The following CTNND2 variants were observed in gnomAD, a reference collection of about 807,000 sequenced individuals.
The protein encoded by CTNND2 is catenin delta-2.
In CTNND2, 22 loss-of-function variants were observed where a neutral mutation model predicts 144.4. The ratio of observed to expected loss-of-function variants is 0.15; its 90% CI spans 0.11 to 0.22. The LOEUF is 0.22. CTNND2 is among the 10% of genes least tolerant of loss of function. The pLI, the probability that CTNND2 is intolerant of heterozygous loss-of-function variation, is 1.00. For synonymous variants in CTNND2, 751 were observed against 695.6 expected (o/e 1.08, Z -1.25); for missense variants, 1,353 against 1,618.8 (o/e 0.84, Z 2.82).
chr5:11,458,175 C>T (rs1765894040), intron 3 of CTNND2, among the ~76,000 whole-genome samples: 1 of 152,190 alleles, frequency 6.6e-6, no homozygotes, highest in African/African-American at 2.4e-5. Flanking sequence ...CTAGTCCTCA[C>T]CAAGGGGTCT....
chr5:11,358,892 AC>A (rs1280232711), intron 8 of CTNND2, among the ~76,000 whole-genome samples: 1 of 152,230 alleles, frequency 6.6e-6, no homozygotes, highest in Non-Finnish European at 1.5e-5. Flanking sequence ...TTACAAGCTG[AC>A]ACATACATCA....
intron 2 of CTNND2, among the ~76,000 whole-genome samples, chr5:11,641,500 C>CACGTATATGTACATGCACACATATAA: frequency 6.6e-6 from 1 of 150,388 alleles, no homozygotes; most frequent in Non-Finnish European, 1.5e-5. Context: ...CACACATATA[C>CACGTATATGTACATGCACACATATAA]ACGTATATGT....
rs1195266720 is a variant in CTNND2 at position 11,098,739 on chromosome 5, C to T, written c.2473G>A (p.Val825Ile). Residue 825 changes from valine (V) to isoleucine (I), a missense_variant, in exon 15 of 22, where the codon GTA (valine) becomes ATA (isoleucine). Physicochemically the swap from Val to Ile is conservative, Grantham distance 29. Coordinates refer to ENST00000304623, the MANE Select transcript of CTNND2 (RefSeq NM_001332.4). ...KKKSQDQWDGVGPLPDCAEPP... is the reference protein window; with the variant it reads ...KKKSQDQWDGIGPLPDCAEPP... ...TCAGCACAGTCTGGAAGAGGTCCTA[C>T]TCCATCCCACTGGCGGAAGAAAAAC... is the stretch of plus-strand genomic sequence containing the variant. The T allele has an allele frequency of 2.5e-6, 4 of 1,612,266 alleles. No homozygotes were observed. Among genetic ancestry groups the T allele is most frequent in the Non-Finnish European group, 3.4e-6 (4 of 1,179,436 alleles).
chr5:11,824,020 T>C (rs998617089), intron 1 of CTNND2, among the ~76,000 whole-genome samples: 3 of 149,644 alleles, frequency 2.0e-5, no homozygotes, highest in Non-Finnish European at 4.4e-5. Flanking sequence ...GGGGAATCGC[T>C]TGAACCGGGG....
chr5:11,097,717 A>G (rs1303789077), intron 15 of CTNND2, among the ~76,000 whole-genome samples: 1 of 152,166 alleles, frequency 6.6e-6, no homozygotes. Context: ...CCGTGTGTAT[A>G]TGTTAACATG....
At chr5:11,643,273 T>C (rs1054228107) in intron 2 of CTNND2, among the ~76,000 whole-genome samples, 2 of 151,982 alleles carry the variant, frequency 1.3e-5, no homozygotes, top group Non-Finnish European at 2.9e-5. Context: ...TTAGGGTACA[T>C]GTACATAATG....
At chr5:11,313,774 T>G (rs1196827642) in intron 9 of CTNND2, among the ~76,000 whole-genome samples, 1 of 152,156 alleles carries the variant, frequency 6.6e-6, no homozygotes, top group Non-Finnish European at 1.5e-5. Context: ...AAAAGAGGTT[T>G]AATTGGCTTA....
intron 3 of CTNND2, among the ~76,000 whole-genome samples, chr5:11,421,904 A>G (rs1179292185): frequency 1.3e-5 from 2 of 152,188 alleles, no homozygotes; most frequent in Non-Finnish European, 2.9e-5. Context: ...CCTCATTTGT[A>G]AAATAGAGAT....
intron 9 of CTNND2, among the ~76,000 whole-genome samples, chr5:11,320,571 G>A (rs1049037513): frequency 1.4e-4 from 22 of 152,210 alleles, no homozygotes; most frequent in African/African-American, 4.8e-4. Flanking sequence ...AGTTCCACAT[G>A]GCTGGGTGGG....
chr5:11,001,613 G>T (rs894666646), intron 18 of CTNND2, among the ~76,000 whole-genome samples: 9 of 152,162 alleles, frequency 5.9e-5, no homozygotes, highest in African/African-American at 2.2e-4. Flanking sequence ...TATTCTATAA[G>T]AAATAAATAC....
intron 1 of CTNND2, among the ~76,000 whole-genome samples, chr5:11,879,362 T>TATATATATATATATATATATATACACAC (rs1735847247): frequency 1.5e-5 from 2 of 137,200 alleles, no homozygotes; most frequent in Non-Finnish European, 3.2e-5. Context: ...TATATACATA[T>TATATATATATATATATATATATACACAC]ACACACACAC....
At chr5:11,067,820 T>C (rs1027958725) in intron 16 of CTNND2, among the ~76,000 whole-genome samples, 1 of 152,214 alleles carries the variant, frequency 6.6e-6, no homozygotes, top group Admixed American at 6.5e-5. Context: ...AGTGGAAAGG[T>C]AGAGACTTTT....
chr5:11,785,911 C>G (rs1190763383), intron 1 of CTNND2, among the ~76,000 whole-genome samples: 1 of 152,236 alleles, frequency 6.6e-6, no homozygotes, highest in Non-Finnish European at 1.5e-5. Flanking sequence ...CAGGAACAGA[C>G]TCTTCATGAG....
intron 1 of CTNND2, among the ~76,000 whole-genome samples, chr5:11,733,733 T>C (rs1363884874): frequency 2.0e-5 from 3 of 152,206 alleles, no homozygotes; most frequent in Admixed American, 1.3e-4. Flanking sequence ...TTTGCCATAG[T>C]TGATTTTGTC....
At chr5:11,505,607 A>G (rs1036126033) in intron 3 of CTNND2, among the ~76,000 whole-genome samples, 1 of 152,178 alleles carries the variant, frequency 6.6e-6, no homozygotes, top group Non-Finnish European at 1.5e-5. Flanking sequence ...AGGAAAACCA[A>G]AAATCCTAAG....
At chr5:11,472,425 CCAGA>C (rs1767317247) in intron 3 of CTNND2, among the ~76,000 whole-genome samples, 1 of 152,158 alleles carries the variant, frequency 6.6e-6, no homozygotes, top group Non-Finnish European at 1.5e-5. Context: ...ATTGATTTTT[CCAGA>C]CAAACTTCAG....
At chr5:11,505,409 T>G (rs1770936399) in intron 3 of CTNND2, among the ~76,000 whole-genome samples, 2 of 152,126 alleles carry the variant, frequency 1.3e-5, no homozygotes, top group Non-Finnish European at 2.9e-5. Context: ...GGTAAATAAA[T>G]CAACACTCAC....
At chr5:11,696,066 T>C (rs571831334) in intron 2 of CTNND2, among the ~76,000 whole-genome samples, 8 of 152,244 alleles carry the variant, frequency 5.3e-5, no homozygotes, top group Non-Finnish European at 1.0e-4. Context: ...GATATTGCCA[T>C]GCAATTATTT....
chr5:11,110,205 G>A (rs552471547), intron 14 of CTNND2, among the ~76,000 whole-genome samples: 6 of 152,210 alleles, frequency 3.9e-5, no homozygotes, highest in South Asian at 2.1e-4. Context: ...GCTGCCTAGC[G>A]GCCTTCGTTT....
Sources: allele counts gnomAD v4.1 joint callset (sites outside exome capture counted in the v4.1 genomes callset), GRCh38; gene constraint gnomAD v4.1.1; transcripts MANE v1.5; gene names NCBI Gene and HGNC (gene_info 2026-07-23, HGNC 2026-07-21).